ARMC9: variants seen among roughly 807,000 people sequenced by gnomAD.
The protein encoded by ARMC9 is armadillo repeat containing 9.
In ARMC9, 94 loss-of-function variants were observed where a neutral mutation model predicts 107.0. The ratio of observed to expected loss-of-function variants is 0.88; its 90% CI spans 0.74 to 1.04. The LOEUF (loss-of-function observed/expected upper bound fraction) is 1.04. Among genes scored for constraint, ARMC9 ranks in the 50% least tolerant of loss-of-function variants. The pLI, the probability that ARMC9 is intolerant of heterozygous loss-of-function variation, is 0.00. For missense variants in ARMC9, 942 were observed against 1,030.1 expected (o/e 0.91, Z 1.17); for synonymous variants, 380 against 396.9 (o/e 0.96, Z 0.51).
chr2:231,338,519 G>A (rs1043475771), intron 20 of ARMC9, among the ~76,000 whole-genome samples: 3 of 144,452 alleles, frequency 2.1e-5, no homozygotes, highest in East Asian at 4.0e-4. Context: ...GAGCCACCTC[G>A]CCCGGCCCCA....
intron 9 of ARMC9, among the ~76,000 whole-genome samples, chr2:231,242,629 C>T (rs1230510505): frequency 6.6e-6 from 1 of 152,122 alleles, no homozygotes; most frequent in Non-Finnish European, 1.5e-5. Flanking sequence ...GTGGCTTTCT[C>T]ATAGCAATTA....
chr2:231,241,974 C>G (rs2036341363), intron 9 of ARMC9, among the ~76,000 whole-genome samples: 1 of 152,012 alleles, frequency 6.6e-6, no homozygotes, highest in Non-Finnish European at 1.5e-5. Flanking sequence ...TTTCCTGCAT[C>G]CAAAACAACA....
Position 231,206,394 on chromosome 2 carries a change from T to C in ARMC9, c.51+105T>C, listed in dbSNP as rs183485839. The C allele has an allele frequency of 9.6e-6, 9 of 936,162 alleles. No individual in the cohort carries two copies. The Admixed American group carries it at 2.5e-4, about 26-fold the overall frequency. 58.0% of individuals were successfully genotyped at this position (936,162 alleles called of 1,614,324 possible). ...GTGCCTTGTAATGTTTCTTCTATTG[T>C]TATGTTGGAGCTATTTTTCTATTAT... On this transcript the variant is annotated intron_variant, in intron 2 of 24. Transcript: ENST00000611582.
rs1309550866 is a variant in ARMC9 at position 231,373,052 on chromosome 2, A to G, written c.*1517A>G. 6.6e-6 allele frequency: 1 copy of G among 152,122 alleles called. No homozygotes were observed. Among genetic ancestry groups the G allele is most frequent in the African/African-American group, 2.4e-5 (1 of 41,404 alleles). The allele number at this position is 152,122 out of a possible 1,614,324, so 9.4% of individuals were successfully genotyped here. On this transcript the variant is annotated 3_prime_UTR_variant, in exon 25 of 25. Coordinates refer to ENST00000611582, the MANE Select transcript of ARMC9 (RefSeq NM_001352754.2). This position sits in a 1 kb window ranked among gnomAD's most constrained non-coding sequence, Gnocchi z 4.4. ...TGGGCACATTAGATGCTGTCATGTG[A>G]CTGGCCTGGTGGCCACCTCTTGGTT...
rs568242019 is a variant in ARMC9 at position 231,317,577 on chromosome 2, CAA to C, written c.1774-14215_1774-14214del. ...GAGTAGTGTATAACCATTATTTACTCAAGTGTTATTTTCTGCCCCTTTCCTCT... is the reference window on the plus strand; with the variant it reads ...GAGTAGTGTATAACCATTATTTACTCGTGTTATTTTCTGCCCCTTTCCTCT... On this transcript the variant is annotated intron_variant, in intron 19 of 24. Transcript: ENST00000611582. 2.0e-3 allele frequency among the ~76,000 whole-genome samples: 309 copies of C among 151,434 alleles called. 1 individual carries two copies. Among genetic ancestry groups the C allele is most frequent in the African/African-American group, 6.4e-3 (265 of 41,252 alleles).
intron 21 of ARMC9, among the ~76,000 whole-genome samples, chr2:231,352,485 T>TATTTA (rs541186693): frequency 3.3e-5 from 5 of 151,496 alleles, no homozygotes; most frequent in African/African-American, 7.3e-5. Context: ...TATTTTATTT[T>TATTTA]TTTATTTATT....
intron 8 of ARMC9, among the ~76,000 whole-genome samples, chr2:231,237,281 C>T (rs1050893530): frequency 6.6e-6 from 1 of 152,108 alleles, no homozygotes; most frequent in African/African-American, 2.4e-5. Context: ...CTTGGTATTT[C>T]TCTTTCGATA....
At chr2:231,289,340 G>A (rs1392140681) in intron 17 of ARMC9, among the ~76,000 whole-genome samples, 1 of 152,134 alleles carries the variant, frequency 6.6e-6, no homozygotes, top group East Asian at 1.9e-4. Context: ...GGTGGCACAT[G>A]CCTGTAGTCC....
chr2:231,308,862 C>G (rs2042179458), intron 19 of ARMC9, among the ~76,000 whole-genome samples: 1 of 152,246 alleles, frequency 6.6e-6, no homozygotes. Context: ...CAGAGGCTAG[C>G]TGCTCTCCAT....
At chr2:231,230,031 T>C (rs138391945) in intron 7 of ARMC9, among the ~76,000 whole-genome samples, 9 of 152,268 alleles carry the variant, frequency 5.9e-5, no homozygotes, top group Admixed American at 5.9e-4. Context: ...TTTATTAAAA[T>C]AACATGGAGG....
At chr2:231,228,579 G>A (rs551828226) in intron 7 of ARMC9, among the ~76,000 whole-genome samples, 2 of 152,360 alleles carry the variant, frequency 1.3e-5, no homozygotes, top group African/African-American at 2.4e-5. Context: ...CCTAGCCTCT[G>A]AAGTCAGTCA....
At chr2:231,301,415 G>A (rs978256006) in intron 19 of ARMC9, among the ~76,000 whole-genome samples, 1 of 151,976 alleles carries the variant, frequency 6.6e-6, no homozygotes, top group African/African-American at 2.4e-5. Flanking sequence ...TCTTTTCAAA[G>A]GCTGTTAATA....
intron 20 of ARMC9, among the ~76,000 whole-genome samples, chr2:231,338,055 C>A (rs1032940544): frequency 3.3e-5 from 5 of 152,138 alleles, no homozygotes; most frequent in African/African-American, 1.2e-4. Flanking sequence ...CTCTTTTCAT[C>A]TCTTAGCGTG....
Position 231,374,554 on chromosome 2 carries a change from T to C in ARMC9, c.*3019T>C, listed in dbSNP as rs1012626341. The C allele has an allele frequency of 7.2e-6, 1 of 139,178 alleles. No homozygotes were observed. Among genetic ancestry groups the C allele is most frequent in the Non-Finnish European group, 1.6e-5 (1 of 63,150 alleles). 8.6% of individuals were successfully genotyped at this position (139,178 alleles called of 1,614,324 possible). ...ATCAAAAGAGCTAAAAAAAAAATAATAAAATAAAAATAAAAATAAAATAGT... is the reference window on the plus strand; with the variant it reads ...ATCAAAAGAGCTAAAAAAAAAATAACAAAATAAAAATAAAAATAAAATAGT... On this transcript the variant is annotated 3_prime_UTR_variant, in exon 25 of 25. Transcript: ENST00000611582.
chr2:231,270,086 G>A (rs1012919563), intron 12 of ARMC9, among the ~76,000 whole-genome samples: 5 of 152,098 alleles, frequency 3.3e-5, no homozygotes, highest in Non-Finnish European at 5.9e-5. Context: ...TTCTTTCCCC[G>A]TGGGCTGGTC....
chr2:231,203,421 C>T (rs191006943), intron 1 of ARMC9, among the ~76,000 whole-genome samples: 2 of 152,344 alleles, frequency 1.3e-5, no homozygotes, highest in Admixed American at 1.3e-4. Flanking sequence ...ACTCACAGCG[C>T]TCATGGCCCC....
chr2:231,331,716 T>C, intron 19 of ARMC9, 77 bp from the exon 20 acceptor site: 1 of 1,284,658 alleles, frequency 7.8e-7, no homozygotes, highest in Non-Finnish European at 1.1e-6. Context: ...TCATGACAGC[T>C]ACACATTCTG....
In ARMC9 at chr2:231,358,675, C is replaced by T. The variant is rs1427427377; in HGVS notation, c.2132-2079C>T. Among the ~76,000 whole-genome samples, 3 of 152,152 alleles carry T rather than the reference C, an allele frequency of 2.0e-5. No homozygotes were observed. Among genetic ancestry groups the T allele is most frequent in the East Asian group, 1.9e-4 (1 of 5,182 alleles). On this transcript the variant is annotated intron_variant, in intron 22 of 24. Transcript: ENST00000611582. This position sits in a 1 kb window ranked among gnomAD's most constrained non-coding sequence, Gnocchi z 4.5. ...TGAGTTTCTTGAGGAAGAGCCTTTG[C>T]GCTTTGCGTTCAGTCAGCACCGCAG...
intron 19 of ARMC9, among the ~76,000 whole-genome samples, chr2:231,324,064 C>G (rs2043150943): frequency 6.6e-6 from 1 of 150,504 alleles, no homozygotes; most frequent in Non-Finnish European, 1.5e-5. Flanking sequence ...AGAAACTGTC[C>G]TGTGTTTCTG....
Sources: allele counts gnomAD v4.1 joint callset (sites outside exome capture counted in the v4.1 genomes callset), GRCh38; gene constraint gnomAD v4.1.1; non-coding constraint Gnocchi (gnomAD v3.1); transcripts MANE v1.5; gene names NCBI Gene and HGNC (gene_info 2026-07-23, HGNC 2026-07-21).